The following GRID2 variants were observed in gnomAD, a reference collection of about 807,000 sequenced individuals.
The protein encoded by GRID2 is glutamate ionotropic receptor delta type subunit 2.
Under a neutral mutation model 114.8 loss-of-function variants are expected in GRID2, and 33 were observed. That is an observed-to-expected ratio of 0.29 (90% confidence interval 0.22 to 0.38). GRID2 has a LOEUF of 0.38. Ranked by LOEUF, GRID2 falls within the 10% of genes least tolerant of loss-of-function variation. GRID2 has a pLI of 1.00. For missense variants in GRID2, 1,184 were observed against 1,257.7 expected (o/e 0.94, Z 0.89); for synonymous variants, 505 against 449.9 (o/e 1.12, Z -1.55).
intron 4 of GRID2, among the ~76,000 whole-genome samples, chr4:93,151,333 G>A (rs2149397430): frequency 6.6e-6 from 1 of 151,918 alleles, no homozygotes; most frequent in Middle Eastern, 3.4e-3. Flanking sequence ...ACTAAAAACA[G>A]GTGCTTCTAT....
chr4:92,367,963 G>A (rs1560589808), intron 1 of GRID2, among the ~76,000 whole-genome samples: 1 of 152,118 alleles, frequency 6.6e-6, no homozygotes, highest in Non-Finnish European at 1.5e-5. Flanking sequence ...GACAGCAAGA[G>A]GAGAGGAAGA....
chr4:93,549,251 G>A (rs1733535707), intron 13 of GRID2, among the ~76,000 whole-genome samples: 1 of 152,116 alleles, frequency 6.6e-6, no homozygotes, highest in Non-Finnish European at 1.5e-5. Flanking sequence ...CCAAGGGAGA[G>A]TAAAAGTTGT....
chr4:92,964,210 A>C (rs898604288), intron 2 of GRID2, among the ~76,000 whole-genome samples: 1 of 151,998 alleles, frequency 6.6e-6, no homozygotes. Flanking sequence ...AGCCCCTAAC[A>C]AGAGAGTCAG....
At chr4:92,921,984 G>T (rs765842580) in intron 2 of GRID2, among the ~76,000 whole-genome samples, 1 of 152,186 alleles carries the variant, frequency 6.6e-6, no homozygotes, top group Non-Finnish European at 1.5e-5. Flanking sequence ...TTGAGCTTTG[G>T]TGGGCTCCAC....
chr4:93,004,217 A>T (rs905088556), intron 2 of GRID2, among the ~76,000 whole-genome samples: 1 of 151,946 alleles, frequency 6.6e-6, no homozygotes, highest in Non-Finnish European at 1.5e-5. Flanking sequence ...GTGACCAAAA[A>T]AAGTCTTTTT....
chr4:92,607,538 C>T (rs929603922), intron 2 of GRID2, among the ~76,000 whole-genome samples: 1 of 151,824 alleles, frequency 6.6e-6, no homozygotes, highest in Non-Finnish European at 1.5e-5. Flanking sequence ...TGCTTGGTAA[C>T]TTTCTGTCAC....
At chr4:92,364,722 A>G (rs1374637440) in intron 1 of GRID2, among the ~76,000 whole-genome samples, 2 of 152,010 alleles carry the variant, frequency 1.3e-5, no homozygotes, top group Non-Finnish European at 2.9e-5. Context: ...CAGAGCTCCA[A>G]AAACAAAGGG....
chr4:93,390,533 C>A (rs1201145325), intron 8 of GRID2, among the ~76,000 whole-genome samples: 3 of 152,206 alleles, frequency 2.0e-5, no homozygotes, highest in African/African-American at 7.2e-5. Context: ...AACTGAAACC[C>A]AACAGCACAC....
chr4:92,635,903 G>A (rs1176880768), intron 2 of GRID2, among the ~76,000 whole-genome samples: 1 of 151,958 alleles, frequency 6.6e-6, no homozygotes, highest in African/African-American at 2.4e-5. Flanking sequence ...AACTTTTTGA[G>A]TACATCATAG....
intron 2 of GRID2, among the ~76,000 whole-genome samples, chr4:93,035,539 A>G (rs921685893): frequency 3.3e-5 from 5 of 152,166 alleles, no homozygotes; most frequent in African/African-American, 1.2e-4. Context: ...CAAACTGAGC[A>G]TGGCTTCCCT....
At chr4:93,257,437 A>G (rs1749720252) in intron 8 of GRID2, among the ~76,000 whole-genome samples, 1 of 151,774 alleles carries the variant, frequency 6.6e-6, no homozygotes, top group Non-Finnish European at 1.5e-5. Context: ...GTCTACAGAT[A>G]GTGATTTTTT....
chr4:92,751,041 AAC>A (rs1737431903), intron 2 of GRID2, among the ~76,000 whole-genome samples: 1 of 152,152 alleles, frequency 6.6e-6, no homozygotes, highest in Non-Finnish European at 1.5e-5. Context: ...ATTCTTGGCA[AAC>A]ACACCTTTTT....
At chr4:92,467,553 A>G (rs1721815415) in intron 1 of GRID2, among the ~76,000 whole-genome samples, 1 of 151,960 alleles carries the variant, frequency 6.6e-6, no homozygotes, top group Non-Finnish European at 1.5e-5. Flanking sequence ...ATTCGAAAAA[A>G]ATCTTTCCAC....
Position 93,642,995 on chromosome 4 carries a change from G to A in GRID2, c.2360+16560G>A, listed in dbSNP as rs1398788783. 5.9e-4 allele frequency among the ~76,000 whole-genome samples: 4 copies of A among 6,748 alleles called. 2 individuals are homozygous for A. The highest frequency in any genetic ancestry group is 8.9e-4 in the Non-Finnish European group (4 of 4,502). 4.4% of individuals were successfully genotyped at this position (6,748 alleles called of 152,430 possible). A position where few individuals can be genotyped will look rare whatever the true frequency, so the allele number is the denominator to read the frequency against. Reference sequence around the variant, plus strand: ...CTTTTCACATAGTCCCATATTTCTTGGAGGCTTTGCTCATTTCTTTTTATT... The same window carrying A: ...CTTTTCACATAGTCCCATATTTCTTAGAGGCTTTGCTCATTTCTTTTTATT... On this transcript the variant is annotated intron_variant, in intron 14 of 15. Transcript: ENST00000282020.
chr4:93,250,755 T>TA (rs59881309), intron 8 of GRID2, among the ~76,000 whole-genome samples: 312 of 147,242 alleles, frequency 2.1e-3, no homozygotes, highest in African/African-American at 7.4e-3. Flanking sequence ...TATATATATA[T>TA]TTATATATAT....
chr4:92,819,837 CTT>C (rs1741157037), intron 2 of GRID2, among the ~76,000 whole-genome samples: 1 of 151,892 alleles, frequency 6.6e-6, no homozygotes, highest in Non-Finnish European at 1.5e-5. Context: ...TTGCAATAAG[CTT>C]ATAAATTATT....
At chr4:92,904,280 T>C (rs534894713) in intron 2 of GRID2, among the ~76,000 whole-genome samples, 1 of 150,920 alleles carries the variant, frequency 6.6e-6, no homozygotes, top group South Asian at 2.1e-4. Context: ...GCTTGTAATT[T>C]TTTACACATA....
At chr4:93,600,139 T>C (rs1739517975) in intron 13 of GRID2, among the ~76,000 whole-genome samples, 1 of 152,196 alleles carries the variant, frequency 6.6e-6, no homozygotes. Context: ...CCATTAAAAT[T>C]CCAGAATGAA....
At chr4:93,327,751 G>A (rs186247060) in intron 8 of GRID2, among the ~76,000 whole-genome samples, 18 of 151,602 alleles carry the variant, frequency 1.2e-4, no homozygotes, top group African/African-American at 2.7e-4. Flanking sequence ...GGGGTCAAGT[G>A]GGGGGATGAT....
Sources: gnomAD v4.1 joint callset for allele counts (sites outside exome capture counted in the v4.1 genomes callset) on GRCh38, gnomAD v4.1.1 for gene constraint, MANE v1.5 for transcripts, NCBI Gene and HGNC (gene_info 2026-07-23, HGNC 2026-07-21) for gene names.